Variants in SMARCA2 observed in about 807,000 individuals in gnomAD.
SMARCA2 encodes SWI/SNF related BAF chromatin remodeling complex subunit ATPase 2.
In SMARCA2, 61 loss-of-function variants were observed where a neutral mutation model predicts 199.8. That is an observed-to-expected ratio of 0.31 (90% CI 0.25 to 0.38). The LOEUF (loss-of-function observed/expected upper bound fraction) is 0.38. SMARCA2 is among the 10% of genes least tolerant of loss of function. The pLI is 1.00. For missense variants in SMARCA2, 1,344 were observed against 2,012.2 expected (o/e 0.67, Z 6.35); for synonymous variants, 935 against 732.0 (o/e 1.28, Z -4.48).
chr9:2,061,079 A>G (rs925850709), intron 9 of SMARCA2, 93 bp downstream of exon 9: 4 of 1,203,410 alleles, frequency 3.3e-6, no homozygotes, highest in Middle Eastern at 2.1e-4. Flanking sequence ...TACTTCTTAC[A>G]CTGGTGGAAG....
chr9:2,186,256 A>G (rs749728465), intron 32 of SMARCA2, 28 bp downstream of exon 32: 3 of 1,602,032 alleles, frequency 1.9e-6, no homozygotes, highest in Non-Finnish European at 2.6e-6. Context: ...GGTCCTGTAC[A>G]TCTTTGCCCC....
At chr9:2,030,734 C>T (rs1348666013) in intron 2 of SMARCA2, among the ~76,000 whole-genome samples, 1 of 151,972 alleles carries the variant, frequency 6.6e-6, no homozygotes, top group African/African-American at 2.4e-5. Flanking sequence ...GTCAAGTTGA[C>T]ACATAAAATG....
Position 2,104,908 on chromosome 9 carries a change from A to G in SMARCA2, c.3292+739A>G, listed in dbSNP as rs1251740887. 6.6e-6 allele frequency among the ~76,000 whole-genome samples: 1 copy of G among 152,212 alleles called. No homozygotes were observed. The highest frequency in any genetic ancestry group is 6.5e-5 in the Admixed American group (1 of 15,282). ...ATAAATATGGCATTCAAAGAGTGGTAAGTAGGAATAGAAGTTAATTTACAG... is the reference window on the plus strand; with the variant it reads ...ATAAATATGGCATTCAAAGAGTGGTGAGTAGGAATAGAAGTTAATTTACAG... On this transcript the variant is annotated intron_variant, in intron 23 of 33. Coordinates refer to ENST00000349721, the MANE Select transcript of SMARCA2 (RefSeq NM_003070.5). This position sits in a 1 kb window ranked among gnomAD's most constrained non-coding sequence, Gnocchi z 4.0.
At chr9:2,028,371 AAAG>A (rs1168095432) in intron 1 of SMARCA2, among the ~76,000 whole-genome samples, 1 of 152,248 alleles carries the variant, frequency 6.6e-6, no homozygotes, top group African/African-American at 2.4e-5. Flanking sequence ...TGAAATCTCA[AAAG>A]AAGAAACATT....
Position 2,123,992 on chromosome 9 carries a change from G to GGAGAAACCAGGGGCCTA in SMARCA2, c.3981+59_3981+75dup, listed in dbSNP as rs1387200484. 7.2e-7 allele frequency: 1 copy of GGAGAAACCAGGGGCCTA among 1,390,126 alleles called. No homozygotes were observed. Among genetic ancestry groups the GGAGAAACCAGGGGCCTA allele is most frequent in the African/African-American group, 1.4e-5 (1 of 69,858 alleles). 86.1% of individuals were successfully genotyped at this position (1,390,126 alleles called of 1,614,324 possible). ...CTAGGTGGAGGGTTTTTGGTGGCTT[G>GGAGAAACCAGGGGCCTA]GAGAAACCAGGGGCCTAGAGCTGGG... On this transcript the variant is annotated intron_variant, in intron 27 of 33. Transcript: ENST00000349721. This position sits in a 1 kb window ranked among gnomAD's most constrained non-coding sequence, Gnocchi z 4.1.
chr9:2,123,658 T>G lies in SMARCA2; in HGVS notation c.3763-61T>G. The G allele has an allele frequency of 7.0e-7, 1 of 1,429,574 alleles. No homozygotes were observed. Among genetic ancestry groups the G allele is most frequent in the Non-Finnish European group, 9.8e-7 (1 of 1,019,376 alleles). 88.6% of individuals were successfully genotyped at this position (1,429,574 alleles called of 1,614,324 possible). A position where few individuals can be genotyped will look rare whatever the true frequency, so the allele number is the denominator to read the frequency against. ...GTGACTTGGGGAAGTTGTGTAGTGC[T>G]GGGAAGTCTGCACCATACAGAAGCC... On this transcript the variant is annotated intron_variant, in intron 26 of 33. Coordinates refer to ENST00000349721, the MANE Select transcript of SMARCA2 (RefSeq NM_003070.5). This position sits in a 1 kb window ranked among gnomAD's most constrained non-coding sequence, Gnocchi z 4.1.
At chr9:2,168,521 T>A (rs148694438) in intron 28 of SMARCA2, among the ~76,000 whole-genome samples, 1 of 152,294 alleles carries the variant, frequency 6.6e-6, no homozygotes, top group Non-Finnish European at 1.5e-5. Flanking sequence ...AATATTGCCT[T>A]GTTCCAAGGC....
intron 27 of SMARCA2, among the ~76,000 whole-genome samples, chr9:2,136,894 A>G (rs1824219782): frequency 6.6e-6 from 1 of 152,196 alleles, no homozygotes; most frequent in African/African-American, 2.4e-5. Flanking sequence ...TTTTAGTGTC[A>G]TTCCTCTGGA....
In SMARCA2 at chr9:2,073,547, C is replaced by T. The variant is rs376483034; in HGVS notation, c.1878-19C>T. On this transcript the variant is annotated intron_variant, in intron 11 of 33. Transcript: ENST00000349721. ...TTAAAAAACTAAGCCCCCTCCTCTT[C>T]CTCACTCTTTTTCCTTAGTTATGAA... The T allele has an allele frequency of 1.2e-5, 20 of 1,603,618 alleles. No individual in the cohort carries two copies. Among genetic ancestry groups the T allele is most frequent in the Middle Eastern group, 3.3e-4 (2 of 6,062 alleles).
At chr9:2,114,020 C>G (rs2130593234) in intron 24 of SMARCA2, among the ~76,000 whole-genome samples, 1 of 147,172 alleles carries the variant, frequency 6.8e-6, no homozygotes, top group South Asian at 2.1e-4. Context: ...AGAACGTTTA[C>G]TATTGCGCCC....
At chr9:2,150,640 ATAGT>A (rs1178279895) in intron 27 of SMARCA2, among the ~76,000 whole-genome samples, 4 of 151,766 alleles carry the variant, frequency 2.6e-5, no homozygotes, top group Non-Finnish European at 5.9e-5. Context: ...ATCACTGGAT[ATAGT>A]TAAACACCAG....
chr9:2,047,581 C>T, intron 5 of SMARCA2, 97 bp downstream of exon 5: 1 of 1,182,562 alleles, frequency 8.5e-7, no homozygotes, highest in East Asian at 3.6e-5. Flanking sequence ...GTTGGCCAAA[C>T]TGTGATTTTC....
At chr9:2,076,400 A>G (rs1013885861) in intron 13 of SMARCA2, 71 bp downstream of exon 13, 26 of 1,038,738 alleles carry the variant, frequency 2.5e-5, no homozygotes, top group Non-Finnish European at 3.8e-5. Context: ...CTTTTAGGAA[A>G]TTTTGTTCAA....
At chr9:2,168,961 T>C (rs1325757170) in intron 28 of SMARCA2, among the ~76,000 whole-genome samples, 31 of 152,048 alleles carry the variant, frequency 2.0e-4, no homozygotes, top group Admixed American at 2.0e-3. Flanking sequence ...GTAGCACTTG[T>C]TGTTTTCAGG....
chr9:2,073,607 C>G lies in SMARCA2; in HGVS notation c.1919C>G (p.Ser640Cys). The stretch of plus-strand genomic sequence containing the variant: ...AGATCTGACAGTGAAGAGAGTGATT[C>G]TGATTATGAGGAAGAGGTATGTATG... ...APRSDSEESD[S>C]DYEEEDEEEE... The change falls in exon 12 of 34, where the codon TCT (serine) becomes TGT (cysteine). Residue 640 changes from serine (S) to cysteine (C), a missense_variant. Around this residue, in one of 18 missense-constraint regions of SMARCA2, gnomAD observed 106 missense variants for 179.7 expected, o/e 0.59. Transcript: ENST00000349721. 6.2e-7 allele frequency: 1 copy of G among 1,610,640 alleles called. No individual in the cohort carries two copies. Among genetic ancestry groups the G allele is most frequent in the Non-Finnish European group, 8.5e-7 (1 of 1,176,948 alleles).
chr9:2,043,592 T>C (rs1193736669), intron 4 of SMARCA2: 2 of 152,256 alleles, frequency 1.3e-5, no homozygotes, highest in Non-Finnish European at 2.9e-5. Context: ...TTAAATGTTT[T>C]ATTGCGTTTG....
intron 9 of SMARCA2, among the ~76,000 whole-genome samples, chr9:2,065,430 G>A (rs1368691757): frequency 6.6e-6 from 1 of 152,088 alleles, no homozygotes; most frequent in Admixed American, 6.6e-5. Flanking sequence ...CTTTCTGAAA[G>A]TTCTTTTATC....
intron 25 of SMARCA2, among the ~76,000 whole-genome samples, chr9:2,117,854 G>C (rs1823278837): frequency 1.3e-5 from 2 of 152,288 alleles, no homozygotes; most frequent in South Asian, 4.1e-4. Context: ...GCCGTTTTCA[G>C]GGGGGCTTGT....
Position 2,170,848 on chromosome 9 carries a change from A to C in SMARCA2, c.4253+376A>C, listed in dbSNP as rs1826212151. Among the ~76,000 whole-genome samples the C allele has an allele frequency of 6.6e-6, 1 of 152,170 alleles. No homozygotes were observed. The highest frequency in any genetic ancestry group is 2.4e-5 in the African/African-American group (1 of 41,438). On this transcript the variant is annotated intron_variant, in intron 29 of 33. Coordinates refer to ENST00000349721, the MANE Select transcript of SMARCA2 (RefSeq NM_003070.5). The surrounding 1 kb of genome is among the most constrained non-coding windows in gnomAD (Gnocchi z 4.7). ...TTAACTCTGTGCTGTCTTGGTTTAG[A>C]AGCTTAATGCGAAGCACCTGTAGTG...
Sources: gnomAD v4.1 joint callset for allele counts (sites outside exome capture counted in the v4.1 genomes callset) on GRCh38, gnomAD v4.1.1 for gene constraint, gnomAD v4.1.1 regional missense constraint, Gnocchi (gnomAD v3.1) non-coding constraint, MANE v1.5 for transcripts, NCBI Gene and HGNC (gene_info 2026-07-23, HGNC 2026-07-21) for gene names.